The following AGGF1 variants were observed in gnomAD, a reference collection of about 807,000 sequenced individuals.
AGGF1 encodes the protein angiogenic factor with G patch and FHA domains 1.
AGGF1 carries 56 observed loss-of-function variants against 86.5 expected under a neutral mutation model. The ratio of observed to expected loss-of-function variants is 0.65; its 90% CI spans 0.52 to 0.81. AGGF1 has a LOEUF of 0.81. AGGF1 is among the 30% of genes least tolerant of loss of function. The pLI is 0.00. For synonymous variants in AGGF1, 313 were observed against 297.1 expected, an observed-to-expected ratio of 1.05 and a Z score of -0.55; for missense variants, 816 against 850.9, an observed-to-expected ratio of 0.96 and a Z score of 0.51.
At chr5:77,034,950 T>G (rs1039078409) in intron 2 of AGGF1, among the ~76,000 whole-genome samples, 3 of 152,224 alleles carry the variant, frequency 2.0e-5, no homozygotes, top group Non-Finnish European at 4.4e-5. Flanking sequence ...TAAGGCAAAA[T>G]AGCTGAGATA....
In AGGF1 at chr5:77,033,440, C is replaced by G. The variant is rs1746908901; in HGVS notation, c.211-978C>G. Among the ~76,000 whole-genome samples the G allele has an allele frequency of 2.6e-5, 4 of 152,082 alleles. No individual in the cohort carries two copies. The South Asian group carries it at 8.3e-4, about 31-fold the overall frequency. The stretch of plus-strand genomic sequence containing the variant: ...CAGCATGTAGTAGATACTAAGTAAT[C>G]TAATTCATAGTGATAGGGACAGTAG... On this transcript the variant is annotated intron_variant, in intron 1 of 13. Transcript: ENST00000312916.
chr5:77,059,881 GC>G, intron 12 of AGGF1, 138 bp downstream of exon 12: 1 of 1,158,696 alleles, frequency 8.6e-7, no homozygotes, highest in Non-Finnish European at 1.2e-6. Flanking sequence ...TTGCTCCGTC[GC>G]CCAGGCTGGA....
In AGGF1 at chr5:77,030,797, TCGC is replaced by T. The variant is rs753285795; in HGVS notation, c.42_44del (p.Pro15del). On this transcript the variant is annotated inframe_deletion, in exon 1 of 14. Transcript: ENST00000312916. The stretch of plus-strand genomic sequence containing the variant: ...CTCGGAGGCGCCGTCCCCGCCGCGG[TCGC>T]CGCCGCCGCCCACCTCCCCCGAGCC... 1.9e-6 allele frequency: 3 copies of T among 1,594,298 alleles called. No homozygotes were observed. Among genetic ancestry groups the T allele is most frequent in the Admixed American group, 1.7e-5 (1 of 58,096 alleles).
At position 77,030,690 on chromosome 5, in the gene AGGF1, G is replaced by C; in HGVS notation, c.-77G>C. The C allele has an allele frequency of 6.7e-7, 1 of 1,489,876 alleles. No homozygotes were observed. Among genetic ancestry groups the C allele is most frequent in the Non-Finnish European group, 9.0e-7 (1 of 1,109,682 alleles). The allele number at this position is 1,489,876 out of a possible 1,614,324, so 92.3% of individuals were successfully genotyped here. A position where few individuals can be genotyped will look rare whatever the true frequency, so the allele number is the denominator to read the frequency against. On this transcript the variant is annotated 5_prime_UTR_variant, in exon 1 of 14. Transcript: ENST00000312916. The stretch of plus-strand genomic sequence containing the variant: ...CTTTCGCTGCCCGCGCGCTCCAGTG[G>C]TCTCTGGGTCCGCCGGCGTCCGTTT...
chr5:77,058,159 C>T (rs745983165), intron 11 of AGGF1, among the ~76,000 whole-genome samples: 1 of 152,166 alleles, frequency 6.6e-6, no homozygotes. Context: ...ATCCCAAAAG[C>T]ATCTCATTGT....
chr5:77,041,823 TA>T (rs1199158701), intron 5 of AGGF1, among the ~76,000 whole-genome samples: 12 of 148,706 alleles, frequency 8.1e-5, no homozygotes, highest in South Asian at 2.1e-4. Context: ...ATTTTTAATT[TA>T]TTTTTTTATT....
Position 77,048,261 on chromosome 5 carries a change from T to G in AGGF1, c.1302T>G (p.Ala434=). 1 of 1,604,600 alleles carries G rather than the reference T, an allele frequency of 6.2e-7. No individual in the cohort carries two copies. The highest frequency in any genetic ancestry group is 1.1e-5 in the South Asian group (1 of 90,750). The change falls in exon 7 of 14, where the codon GCT becomes GCG. Residue 434 remains alanine, a synonymous_variant. Coordinates refer to ENST00000312916, the MANE Select transcript of AGGF1 (RefSeq NM_018046.5). ...TTATCATTACTGCTGTAAACCCTGC[T>G]ACAATTGGAAGGTAAAATGGTTAAT... ...SLFIITAVNP[A]TIGREKDMEH...
intron 5 of AGGF1, among the ~76,000 whole-genome samples, chr5:77,041,477 G>A (rs1258925497): frequency 6.7e-6 from 1 of 148,508 alleles, no homozygotes; most frequent in African/African-American, 2.5e-5. Flanking sequence ...TGAGGCAGGA[G>A]AATCGCTTGA....
At chr5:77,035,370 A>C (rs1746944796) in intron 2 of AGGF1, among the ~76,000 whole-genome samples, 171 bp from the exon 3 acceptor site, 1 of 152,168 alleles carries the variant, frequency 6.6e-6, no homozygotes, top group Non-Finnish European at 1.5e-5. Context: ...ACACTTCTGC[A>C]GATTTATCTG....
chr5:77,035,876 A>T, intron 3 of AGGF1, 133 bp downstream of exon 3: 1 of 794,930 alleles, frequency 1.3e-6, no homozygotes, highest in Non-Finnish European at 2.1e-6. Flanking sequence ...ATGTGTAATT[A>T]TGCAAAGAAT....
intron 8 of AGGF1, among the ~76,000 whole-genome samples, chr5:77,050,257 A>G (rs992906676): frequency 6.8e-6 from 1 of 147,706 alleles, no homozygotes; most frequent in South Asian, 2.2e-4. Flanking sequence ...CCCCACCTCC[A>G]GTCTAAACCA....
chr5:77,051,447 A>AG (rs1747372703), intron 8 of AGGF1, among the ~76,000 whole-genome samples: 1 of 149,686 alleles, frequency 6.7e-6, no homozygotes, highest in Non-Finnish European at 1.5e-5. Flanking sequence ...AAAAAAAAAA[A>AG]GAGTTTTGGT....
chr5:77,059,724 G>T lies in AGGF1; in HGVS notation c.1825G>T (p.Ala609Ser), dbSNP rs1259358534. 6 of 1,613,810 alleles carry T rather than the reference G, an allele frequency of 3.7e-6. No homozygotes were observed. The highest frequency in any genetic ancestry group is 4.2e-6 in the Non-Finnish European group (5 of 1,179,776). ...TGAAGGAACTTTCCAAAGAGATGAT[G>T]CTCCTGCATCTGTTCATTCGTAAGT... ...GSEGTFQRDDAPASVHSEITD... is the reference protein window; with the variant it reads ...GSEGTFQRDDSPASVHSEITD... Residue 609 changes from alanine (A) to serine (S), a missense_variant, in exon 12 of 14, where the codon GCT (alanine) becomes TCT (serine). Around this residue, in one of 3 missense-constraint regions of AGGF1, gnomAD observed 565 missense variants for 585.8 expected, o/e 0.96. Coordinates refer to ENST00000312916, the MANE Select transcript of AGGF1 (RefSeq NM_018046.5).
intron 12 of AGGF1, among the ~76,000 whole-genome samples, chr5:77,061,465 G>T (rs1437614948): frequency 6.6e-6 from 1 of 152,150 alleles, no homozygotes; most frequent in African/African-American, 2.4e-5. Context: ...GATCATTTCT[G>T]ATTTGTTGCT....
At chr5:77,042,754 CA>C (rs1295380593) in intron 5 of AGGF1, among the ~76,000 whole-genome samples, 3 of 37,450 alleles carry the variant, frequency 8.0e-5, no homozygotes, top group Non-Finnish European at 2.0e-4. Context: ...GCTGGCCGGG[CA>C]GGGGGGCTGA....
Position 77,040,880 on chromosome 5 carries a change from T to C in AGGF1, c.870+1161T>C, listed in dbSNP as rs114315422. 4.2e-3 allele frequency among the ~76,000 whole-genome samples: 634 copies of C among 152,328 alleles called. 3 individuals are homozygous for C. Among genetic ancestry groups the C allele is most frequent in the African/African-American group, 0.015 (604 of 41,576 alleles). On this transcript the variant is annotated intron_variant, in intron 5 of 13. Transcript: ENST00000312916. ...TCCTTCTGTCCTGTCCTGTTCTTTTTTGAGACAGGGTCTTGCTCTGTCACC... is the reference window on the plus strand; with the variant it reads ...TCCTTCTGTCCTGTCCTGTTCTTTTCTGAGACAGGGTCTTGCTCTGTCACC...
In AGGF1 at chr5:77,053,967, G is replaced by A. The variant is rs761261870; in HGVS notation, c.1470G>A (p.Pro490=). The change falls in exon 10 of 14, where the codon CCG becomes CCA. Residue 490 remains proline (P), a splice_region_variant and synonymous_variant. Transcript: ENST00000312916. ...TIVNGKQILQ[P]KTKCDPYVLE... ...TTTGTAAAATGTTTCCCCTCTAGCC[G>A]AAAACTAAATGTGACCCTTACGTAC... 3.7e-5 allele frequency: 60 copies of A among 1,613,822 alleles called. No individual in the cohort carries two copies. The highest frequency in any genetic ancestry group is 4.4e-5 in the Non-Finnish European group (52 of 1,180,000).
At chr5:77,048,810 C>A in intron 7 of AGGF1, 126 bp from the exon 8 acceptor site, 1 of 906,904 alleles carries the variant, frequency 1.1e-6, no homozygotes, top group Non-Finnish European at 1.8e-6. Context: ...CTGGATAATC[C>A]ATAACCAGGA....
At chr5:77,034,566 T>C in intron 2 of AGGF1, 46 bp downstream of exon 2, 1 of 1,274,556 alleles carries the variant, frequency 7.8e-7, no homozygotes, top group Non-Finnish European at 1.1e-6. Flanking sequence ...TACATTCAAA[T>C]CATGCTAATG....
Sources: allele counts gnomAD v4.1 joint callset (sites outside exome capture counted in the v4.1 genomes callset), GRCh38; gene constraint gnomAD v4.1.1; regional missense constraint gnomAD v4.1.1; transcripts MANE v1.5; gene names NCBI Gene and HGNC (gene_info 2026-07-23, HGNC 2026-07-21).